Variants in SCAPER observed in about 807,000 individuals in gnomAD.
The protein encoded by SCAPER is S-phase cyclin A associated protein in the ER, also known as S phase cyclin A-associated protein in the endoplasmic reticulum.
Under a neutral mutation model 182.2 loss-of-function variants are expected in SCAPER, and 98 were observed. The ratio of observed to expected loss-of-function variants is 0.54; its 90% CI spans 0.46 to 0.64. The LOEUF (loss-of-function observed/expected upper bound fraction) is 0.64, where lower values mean the gene tolerates loss of function less well. Ranked by LOEUF, SCAPER falls within the 30% of genes least tolerant of loss-of-function variation. The probability of loss-of-function intolerance (pLI) is 0.00; values close to 1 mark genes in which losing one functional copy is unlikely to be tolerated. For synonymous variants in SCAPER, 605 were observed against 564.6 expected, an observed-to-expected ratio of 1.07 and a Z score of -1.01; for missense variants, 1,432 against 1,690.0, an observed-to-expected ratio of 0.85 and a Z score of 2.68.
At chr15:76,629,573 C>T (rs2052911082) in intron 21 of SCAPER, among the ~76,000 whole-genome samples, 1 of 152,088 alleles carries the variant, frequency 6.6e-6, no homozygotes, top group African/African-American at 2.4e-5. Flanking sequence ...TACTGATTTG[C>T]ATATGTTGAA....
rs193032481 is a variant in SCAPER, at chr15:76,828,493, T to G, written c.393+13241A>C. On this transcript the variant is annotated intron_variant, in intron 5 of 31. Coordinates refer to ENST00000563290, the MANE Select transcript of SCAPER (RefSeq NM_020843.4). The stretch of plus-strand genomic sequence containing the variant: ...AGAAATTGTCAATAAAGTGTCATGT[T>G]AAACAGAGTAAAAAATGACAGCTAT... Among the ~76,000 whole-genome samples the G allele has an allele frequency of 1.0e-3, 156 of 152,278 alleles. 3 individuals carry two copies. The highest frequency in any genetic ancestry group is 3.7e-3 in the African/African-American group (153 of 41,564).
intron 27 of SCAPER, among the ~76,000 whole-genome samples, chr15:76,396,235 G>A (rs1396489039): frequency 1.3e-5 from 2 of 152,094 alleles, no homozygotes. Context: ...TTACAGCTTT[G>A]TATTATAAAG....
intron 5 of SCAPER, among the ~76,000 whole-genome samples, chr15:76,812,454 C>T (rs1405084961): frequency 1.4e-5 from 2 of 144,500 alleles, no homozygotes; most frequent in East Asian, 4.1e-4. Flanking sequence ...TGCAACTGCA[C>T]TCCAGCCTGG....
At chr15:76,392,561 G>T (rs1018545550) in intron 27 of SCAPER, among the ~76,000 whole-genome samples, 5 of 80,598 alleles carry the variant, frequency 6.2e-5, no homozygotes, top group Non-Finnish European at 1.5e-4. Context: ...CATAGGGAGA[G>T]CTCGTCTACA....
At chr15:76,835,992 T>C (rs1452073232) in intron 5 of SCAPER, among the ~76,000 whole-genome samples, 1 of 136,450 alleles carries the variant, frequency 7.3e-6, no homozygotes, top group Non-Finnish European at 1.6e-5. Context: ...GAAAGACCCC[T>C]ACAATGAGAA....
intron 15 of SCAPER, among the ~76,000 whole-genome samples, chr15:76,740,192 A>G (rs1460606503): frequency 3.3e-5 from 5 of 152,178 alleles, no homozygotes; most frequent in African/African-American, 1.2e-4. Flanking sequence ...TAGAGGAAAA[A>G]CTTTTGATAA....
chr15:76,849,290 G>T (rs2070466093), intron 4 of SCAPER, among the ~76,000 whole-genome samples: 1 of 152,278 alleles, frequency 6.6e-6, no homozygotes, highest in Middle Eastern at 3.4e-3. Flanking sequence ...CCTCTGCCAT[G>T]GAACAGTACT....
At chr15:76,608,392 G>T (rs935826792) in intron 22 of SCAPER, among the ~76,000 whole-genome samples, 3 of 152,152 alleles carry the variant, frequency 2.0e-5, no homozygotes, top group African/African-American at 7.2e-5. Flanking sequence ...TGTCTCAGAG[G>T]AGTACCCGGT....
At chr15:76,477,224 T>C (rs2050725036) in intron 24 of SCAPER, among the ~76,000 whole-genome samples, 1 of 152,224 alleles carries the variant, frequency 6.6e-6, no homozygotes, top group South Asian at 2.1e-4. Context: ...GAGATGTCTT[T>C]GCTTCTTTAC....
chr15:76,728,676 C>T lies in SCAPER; in HGVS notation c.2084G>A (p.Arg695Lys). Residue 695 changes from arginine (R) to lysine (K), a missense_variant, in exon 17 of 32, where the codon AGG (arginine) becomes AAG (lysine). Physicochemically the swap from Arg to Lys is conservative, Grantham distance 26. Around this residue, in one of 5 missense-constraint regions of SCAPER, gnomAD observed 88 missense variants for 184.2 expected, o/e 0.48. Coordinates refer to ENST00000563290, the MANE Select transcript of SCAPER (RefSeq NM_020843.4). ...TTCAATTCGGGCTTCTTGTTCTTTC[C>T]TCTTCATTAACAATTCTTCTACACG... ...QARVEELLMK[R>K]KEQEARIEQQ... 7 of 1,613,532 alleles carry T rather than the reference C, an allele frequency of 4.3e-6. 1 individual carries two copies. Among genetic ancestry groups the T allele is most frequent in the Non-Finnish European group, 5.9e-6 (7 of 1,179,676 alleles).
chr15:76,589,502 T>C (rs2048946474), intron 22 of SCAPER, among the ~76,000 whole-genome samples: 2 of 152,066 alleles, frequency 1.3e-5, no homozygotes, highest in Admixed American at 1.3e-4. Context: ...CCGGCTCCCA[T>C]GCAACCCAAA....
intron 8 of SCAPER, among the ~76,000 whole-genome samples, chr15:76,777,032 C>T (rs1456043813): frequency 2.0e-5 from 3 of 152,000 alleles, no homozygotes; most frequent in Non-Finnish European, 4.4e-5. Flanking sequence ...CATAGTAAGA[C>T]ACATCATAAT....
In SCAPER at chr15:76,567,248, A is replaced by G. The variant is rs116905657; in HGVS notation, c.2838+6910T>C. 103 of 411,846 alleles carry G rather than the reference A, an allele frequency of 2.5e-4. 1 individual carries two copies. The East Asian group carries it at 6.9e-3, about 28-fold the overall frequency. 25.5% of individuals were successfully genotyped at this position (411,846 alleles called of 1,614,324 possible). A position where few individuals can be genotyped will look rare whatever the true frequency, so the allele number is the denominator to read the frequency against. On this transcript the variant is annotated intron_variant, in intron 23 of 31. Coordinates refer to ENST00000563290, the MANE Select transcript of SCAPER (RefSeq NM_020843.4). Reference sequence around the variant, plus strand: ...AGTTCATTCATTTTTATGTTGAATAATAGTCCATTATATGAACATACCATA... The same window carrying G: ...AGTTCATTCATTTTTATGTTGAATAGTAGTCCATTATATGAACATACCATA...
chr15:76,539,798 G>A (rs1201026025), intron 23 of SCAPER, among the ~76,000 whole-genome samples: 1 of 152,118 alleles, frequency 6.6e-6, no homozygotes, highest in Non-Finnish European at 1.5e-5. Flanking sequence ...GCCCGCCTCG[G>A]CCTTCCAAAG....
intron 27 of SCAPER, among the ~76,000 whole-genome samples, chr15:76,393,715 T>G (rs559658593): frequency 6.6e-6 from 1 of 152,354 alleles, no homozygotes; most frequent in Non-Finnish European, 1.5e-5. Context: ...TAGAATGTAG[T>G]GCAAGTGATG....
At chr15:76,469,895 A>ATT (rs557877183) in intron 25 of SCAPER, among the ~76,000 whole-genome samples, 1 of 149,772 alleles carries the variant, frequency 6.7e-6, no homozygotes, top group African/African-American at 2.5e-5. Context: ...TTCTGATAGA[A>ATT]TTTTTTTTTT....
chr15:76,817,206 C>T (rs1203037100), intron 5 of SCAPER, among the ~76,000 whole-genome samples: 1 of 152,212 alleles, frequency 6.6e-6, no homozygotes, highest in Non-Finnish European at 1.5e-5. Context: ...TTATGCAGCA[C>T]ATGACTGTAC....
intron 31 of SCAPER, 38 bp from the exon 32 acceptor site, chr15:76,348,774 G>C: frequency 8.0e-7 from 1 of 1,255,676 alleles, no homozygotes; most frequent in Non-Finnish European, 1.1e-6. Flanking sequence ...TTAAATAAAA[G>C]AGGGTTAAAT....
At chr15:76,900,669 TA>T (rs1401000270) in intron 1 of SCAPER, among the ~76,000 whole-genome samples, 5 of 152,202 alleles carry the variant, frequency 3.3e-5, no homozygotes, top group African/African-American at 1.2e-4. Flanking sequence ...GATGGAAATG[TA>T]AAGATGGGCT....
Sources: gnomAD v4.1 joint callset for allele counts (sites outside exome capture counted in the v4.1 genomes callset) on GRCh38, gnomAD v4.1.1 for gene constraint, gnomAD v4.1.1 regional missense constraint, MANE v1.5 for transcripts, NCBI Gene and HGNC (gene_info 2026-07-23, HGNC 2026-07-21) for gene names.